Variants in FHIT observed in about 807,000 individuals in gnomAD.
The protein encoded by FHIT is fragile histidine triad diadenosine triphosphatase.
FHIT carries 19 observed loss-of-function variants against 17.9 expected under a neutral mutation model. That is an observed-to-expected ratio of 1.06 (90% CI 0.74 to 1.56). FHIT has a LOEUF of 1.56. Among genes scored for constraint, FHIT ranks in the 40% most tolerant of loss-of-function variants. FHIT has a pLI of 0.00. For missense variants in FHIT, 248 were observed against 189.2 expected, an observed-to-expected ratio of 1.31 and a Z score of -1.82; for synonymous variants, 81 against 69.7, an observed-to-expected ratio of 1.16 and a Z score of -0.81.
At chr3:60,620,852 C>T (rs1159875738) in intron 4 of FHIT, among the ~76,000 whole-genome samples, 1 of 151,998 alleles carries the variant, frequency 6.6e-6, no homozygotes, top group African/African-American at 2.4e-5. Flanking sequence ...AAAAAATATA[C>T]CACACTAATG....
In FHIT at chr3:60,164,609, C is replaced by CA. The variant is rs5849338; in HGVS notation, c.104-150458dup. ...GCCATCATTATTGAAAGTAATTGGT[C>CA]AAAAAAAAAAAATAAAAGAGGTGAG... On this transcript the variant is annotated intron_variant, in intron 5 of 9. Coordinates refer to ENST00000492590, the MANE Select transcript of FHIT (RefSeq NM_002012.4). Among the ~76,000 whole-genome samples, 1,337 of 144,348 alleles carry CA rather than the reference C, an allele frequency of 9.3e-3. 7 individuals carry two copies. The highest frequency in any genetic ancestry group is 0.028 in the African/African-American group (1,127 of 39,674). The allele number at this position is 144,348 out of a possible 152,430, so 94.7% of individuals were successfully genotyped here.
In FHIT at chr3:61,204,935, T is replaced by C. The variant is rs2039165026; in HGVS notation, c.-212-4270A>G. On this transcript the variant is annotated intron_variant, in intron 1 of 9. Transcript: ENST00000492590. ...GTGTGCTGCACCCATTAACTCATCA[T>C]CTAGCATTAGGTATATCTCCTAATG... 2.0e-5 allele frequency among the ~76,000 whole-genome samples: 3 copies of C among 152,040 alleles called. 1 individual carries two copies. The highest frequency in any genetic ancestry group is 6.5e-5 in the Admixed American group (1 of 15,294).
chr3:60,135,661 C>T (rs1399937302), intron 5 of FHIT, among the ~76,000 whole-genome samples: 2 of 152,104 alleles, frequency 1.3e-5, no homozygotes, highest in Non-Finnish European at 1.5e-5. Flanking sequence ...GAACTTCTCA[C>T]CTCGGGCAGT....
intron 5 of FHIT, among the ~76,000 whole-genome samples, chr3:60,259,493 G>T (rs185937704): frequency 4.7e-4 from 71 of 152,210 alleles, no homozygotes; most frequent in Non-Finnish European, 9.6e-4. Context: ...AGGACAGGAT[G>T]GGAAGACCTT....
intron 8 of FHIT, among the ~76,000 whole-genome samples, chr3:59,908,413 C>T (rs1188651281): frequency 6.6e-6 from 1 of 152,188 alleles, no homozygotes; most frequent in African/African-American, 2.4e-5. Flanking sequence ...CTGGCAAAGG[C>T]CAAAGAGTAA....
intron 5 of FHIT, among the ~76,000 whole-genome samples, chr3:60,476,434 A>G (rs1243837852): frequency 3.3e-5 from 5 of 152,210 alleles, no homozygotes; most frequent in African/African-American, 9.6e-5. Context: ...AGTAACTGCT[A>G]TAAGGGGAGT....
At chr3:59,955,159 A>C (rs973823397) in intron 7 of FHIT, among the ~76,000 whole-genome samples, 1 of 152,202 alleles carries the variant, frequency 6.6e-6, no homozygotes, top group African/African-American at 2.4e-5. Context: ...GATCATGTAC[A>C]AAAACAGCTC....
intron 1 of FHIT, among the ~76,000 whole-genome samples, chr3:61,241,633 G>A (rs2040375639): frequency 6.6e-6 from 1 of 152,162 alleles, no homozygotes; most frequent in African/African-American, 2.4e-5. Context: ...AACTCCAGTA[G>A]CTGTGAGTCT....
At chr3:60,061,247 C>G (rs1046410500) in intron 5 of FHIT, among the ~76,000 whole-genome samples, 13 of 152,230 alleles carry the variant, frequency 8.5e-5, no homozygotes, top group Admixed American at 1.3e-4. Context: ...GCGAAAGGAC[C>G]TGTGTAAAAA....
At chr3:61,208,183 T>C (rs916499804) in intron 1 of FHIT, among the ~76,000 whole-genome samples, 3 of 152,154 alleles carry the variant, frequency 2.0e-5, no homozygotes, top group East Asian at 1.9e-4. Context: ...TGAGAGACAG[T>C]TTCTTCTAAT....
intron 4 of FHIT, among the ~76,000 whole-genome samples, chr3:60,647,733 A>G (rs1553687144): frequency 6.6e-6 from 1 of 152,244 alleles, no homozygotes; most frequent in Non-Finnish European, 1.5e-5. Context: ...TTATTTGTTT[A>G]TAGCCAACCT....
chr3:59,898,744 G>C (rs182840810), intron 8 of FHIT, among the ~76,000 whole-genome samples: 1 of 151,962 alleles, frequency 6.6e-6, no homozygotes, highest in Non-Finnish European at 1.5e-5. Context: ...AATGAATGAA[G>C]AGACAGAAAT....
intron 5 of FHIT, among the ~76,000 whole-genome samples, chr3:60,126,227 C>T (rs1032041309): frequency 1.4e-4 from 21 of 152,156 alleles, no homozygotes; most frequent in African/African-American, 5.1e-4. Context: ...CACCTTATCC[C>T]TTTGGGCTTG....
At chr3:60,914,637 T>G (rs1018031015) in intron 3 of FHIT, among the ~76,000 whole-genome samples, 2 of 152,188 alleles carry the variant, frequency 1.3e-5, no homozygotes, top group African/African-American at 4.8e-5. Context: ...ATGATGATTA[T>G]CAATTCAATG....
intron 7 of FHIT, among the ~76,000 whole-genome samples, chr3:59,947,096 C>T (rs1011226268): frequency 1.2e-4 from 19 of 152,290 alleles, no homozygotes; most frequent in Non-Finnish European, 2.1e-4. Context: ...AGTACCAGCT[C>T]CTCTTTATAT....
rs542836036 is a variant in FHIT, at chr3:60,687,417, T to C, written c.-18+134502A>G. 1.0e-3 allele frequency among the ~76,000 whole-genome samples: 153 copies of C among 152,224 alleles called. 2 individuals are homozygous for C. The highest frequency in any genetic ancestry group is 7.8e-4 in the Admixed American group (12 of 15,292). ...CCTTTCCTGTTTGAATCTGGAGTTT[T>C]TAGAAAAAAATTTGGTTTTTGTTAT... On this transcript the variant is annotated intron_variant, in intron 4 of 9. Transcript: ENST00000492590.
At chr3:60,974,087 T>C (rs1364873053) in intron 3 of FHIT, among the ~76,000 whole-genome samples, 1 of 152,210 alleles carries the variant, frequency 6.6e-6, no homozygotes, top group Non-Finnish European at 1.5e-5. Flanking sequence ...TCACTACATA[T>C]TTGTTAAATT....
intron 5 of FHIT, among the ~76,000 whole-genome samples, chr3:60,371,167 A>T (rs1700310815): frequency 6.6e-6 from 1 of 152,156 alleles, no homozygotes. Flanking sequence ...ATTTGAAATG[A>T]TCCATTTGTC....
intron 3 of FHIT, among the ~76,000 whole-genome samples, chr3:60,913,008 T>G (rs1426748838): frequency 6.6e-6 from 1 of 152,194 alleles, no homozygotes; most frequent in African/African-American, 2.4e-5. Flanking sequence ...GAAATAGATT[T>G]AGTACAAAGA....
Sources: allele counts gnomAD v4.1 joint callset (sites outside exome capture counted in the v4.1 genomes callset), GRCh38; gene constraint gnomAD v4.1.1; transcripts MANE v1.5; gene names NCBI Gene and HGNC (gene_info 2026-07-23, HGNC 2026-07-21).